Variants in CNTNAP5 observed in about 807,000 individuals in gnomAD.
The protein encoded by CNTNAP5 is contactin-associated protein-like 5.
Under a neutral mutation model 150.2 loss-of-function variants are expected in CNTNAP5, and 72 were observed. The observed-to-expected ratio is 0.48, with a 90% CI of 0.40 to 0.58. The LOEUF is 0.58. CNTNAP5 is among the 20% of genes least tolerant of loss of function. CNTNAP5 has a pLI of 0.00. For synonymous variants in CNTNAP5, 672 were observed against 619.8 expected (o/e 1.08, Z -1.25); for missense variants, 1,636 against 1,626.2 (o/e 1.01, Z -0.10).
intron 3 of CNTNAP5, among the ~76,000 whole-genome samples, chr2:124,246,844 T>G (rs1424866928): frequency 6.6e-6 from 1 of 152,276 alleles, no homozygotes; most frequent in African/African-American, 2.4e-5. Context: ...GAATATTCTA[T>G]ATTTTATTAA....
rs568059215 is a variant in CNTNAP5 at position 124,166,234 on chromosome 2, G to A, written c.83-55471G>A. ...CTGGGAGTCTGTAAACAGGCCATGGGCTGAATGACACGGACTGTTGTTTTG... is the reference window on the plus strand; with the variant it reads ...CTGGGAGTCTGTAAACAGGCCATGGACTGAATGACACGGACTGTTGTTTTG... On this transcript the variant is annotated intron_variant, in intron 1 of 23. Transcript: ENST00000682447. Among the ~76,000 whole-genome samples the A allele has an allele frequency of 1.6e-4, 24 of 152,290 alleles. No individual in the cohort carries two copies. The South Asian group carries it at 5.0e-3, about 32-fold the overall frequency.
At chr2:124,335,036 C>T (rs527866570) in intron 3 of CNTNAP5, among the ~76,000 whole-genome samples, 3 of 152,098 alleles carry the variant, frequency 2.0e-5, no homozygotes, top group African/African-American at 7.2e-5. Context: ...GCCATTGCCC[C>T]CAAATTTTCA....
intron 7 of CNTNAP5, among the ~76,000 whole-genome samples, chr2:124,496,727 T>C (rs1001404320): frequency 6.6e-6 from 1 of 152,186 alleles, no homozygotes. Context: ...CCTGACTTAC[T>C]ATTTCCTCTC....
chr2:124,654,599 C>T (rs766893304), intron 13 of CNTNAP5, among the ~76,000 whole-genome samples: 3 of 152,206 alleles, frequency 2.0e-5, no homozygotes, highest in South Asian at 2.1e-4. Context: ...CTACTTCACC[C>T]GCTATGTTCT....
intron 14 of CNTNAP5, among the ~76,000 whole-genome samples, chr2:124,757,612 C>G (rs1680868186): frequency 6.6e-6 from 1 of 152,168 alleles, no homozygotes; most frequent in African/African-American, 2.4e-5. Flanking sequence ...GTTTCATCAC[C>G]TTCCTGAATC....
chr2:124,295,552 G>C (rs190268207), intron 3 of CNTNAP5, among the ~76,000 whole-genome samples: 1 of 152,082 alleles, frequency 6.6e-6, no homozygotes, highest in African/African-American at 2.4e-5. Flanking sequence ...ATCTTCTTCT[G>C]TCTGTGTATT....
intron 3 of CNTNAP5, among the ~76,000 whole-genome samples, chr2:124,382,800 G>A (rs1288626153): frequency 2.0e-5 from 3 of 152,068 alleles, no homozygotes; most frequent in South Asian, 2.1e-4. Flanking sequence ...GTTCTTGATC[G>A]ATTTTTAGAA....
At chr2:124,449,636 C>A (rs554276843) in intron 6 of CNTNAP5, among the ~76,000 whole-genome samples, 1 of 152,104 alleles carries the variant, frequency 6.6e-6, no homozygotes, top group Admixed American at 6.5e-5. Context: ...TTCTTCAGGG[C>A]GTGCACGGAT....
At chr2:124,480,632 A>G (rs1325639910) in intron 7 of CNTNAP5, among the ~76,000 whole-genome samples, 1 of 152,188 alleles carries the variant, frequency 6.6e-6, no homozygotes, top group Non-Finnish European at 1.5e-5. Flanking sequence ...AGTAAAGCCT[A>G]TAATCTCTTT....
At chr2:124,297,316 G>A (rs930388498) in intron 3 of CNTNAP5, among the ~76,000 whole-genome samples, 11 of 152,094 alleles carry the variant, frequency 7.2e-5, no homozygotes, top group Admixed American at 4.6e-4. Flanking sequence ...GACTTCCGTC[G>A]CAGCACCCCC....
At chr2:124,456,764 A>G (rs1693128430) in intron 6 of CNTNAP5, among the ~76,000 whole-genome samples, 1 of 152,192 alleles carries the variant, frequency 6.6e-6, no homozygotes, top group African/African-American at 2.4e-5. Flanking sequence ...ATAAACCCTA[A>G]TACTTATAGC....
chr2:124,877,293 A>G (rs1677879231), intron 21 of CNTNAP5, among the ~76,000 whole-genome samples: 1 of 152,138 alleles, frequency 6.6e-6, no homozygotes, highest in African/African-American at 2.4e-5. Flanking sequence ...CTCATTTTAT[A>G]TCGTCACTTG....
chr2:124,277,600 A>C (rs930848660), intron 3 of CNTNAP5, among the ~76,000 whole-genome samples: 1 of 152,186 alleles, frequency 6.6e-6, no homozygotes, highest in Non-Finnish European at 1.5e-5. Context: ...ACCATTTTAC[A>C]TTAAAATAAA....
At chr2:124,299,846 G>T (rs1385342735) in intron 3 of CNTNAP5, among the ~76,000 whole-genome samples, 2 of 152,150 alleles carry the variant, frequency 1.3e-5, no homozygotes, top group Non-Finnish European at 2.9e-5. Context: ...GGAATGCCTG[G>T]TGTCTGAGGT....
chr2:124,747,184 T>A, intron 13 of CNTNAP5, 45 bp from the exon 14 acceptor site: 2 of 1,586,420 alleles, frequency 1.3e-6, no homozygotes, highest in Non-Finnish European at 1.7e-6. Flanking sequence ...CCTGTGTTAC[T>A]TCAGGCTTGC....
intron 6 of CNTNAP5, among the ~76,000 whole-genome samples, chr2:124,459,510 A>G (rs1693198590): frequency 6.6e-6 from 1 of 152,086 alleles, no homozygotes; most frequent in South Asian, 2.1e-4. Flanking sequence ...GCACTTTGGG[A>G]GGCTGAGGCA....
intron 10 of CNTNAP5, among the ~76,000 whole-genome samples, chr2:124,556,942 C>T (rs1181397207): frequency 6.6e-6 from 1 of 150,892 alleles, no homozygotes; most frequent in Non-Finnish European, 1.5e-5. Context: ...CTTTTTATCT[C>T]ATGAAAATCT....
chr2:124,791,900 T>G (rs1046991163), intron 18 of CNTNAP5, among the ~76,000 whole-genome samples: 37 of 152,188 alleles, frequency 2.4e-4, no homozygotes, highest in Admixed American at 5.2e-4. Context: ...CTGTTCATTC[T>G]TTCTGATAAT....
chr2:124,784,093 C>T (rs1214066890), intron 17 of CNTNAP5, among the ~76,000 whole-genome samples: 1 of 152,166 alleles, frequency 6.6e-6, no homozygotes, highest in Non-Finnish European at 1.5e-5. Context: ...GTGGTAAATG[C>T]AGCTGAACTT....
Sources: gnomAD v4.1 joint callset for allele counts (sites outside exome capture counted in the v4.1 genomes callset) on GRCh38, gnomAD v4.1.1 for gene constraint, MANE v1.5 for transcripts, NCBI Gene and HGNC (gene_info 2026-07-23, HGNC 2026-07-21) for gene names.